The following CNTNAP2 variants were observed in gnomAD, a reference collection of about 807,000 sequenced individuals.
CNTNAP2 encodes the protein contactin-associated protein-like 2.
In CNTNAP2, 98 loss-of-function variants were observed where a neutral mutation model predicts 155.2. The ratio of observed to expected loss-of-function variants is 0.63; its 90% CI spans 0.54 to 0.75. The LOEUF (loss-of-function observed/expected upper bound fraction) is 0.75. Ranked by LOEUF, CNTNAP2 falls within the 30% of genes least tolerant of loss-of-function variation. The pLI is 0.00. For missense variants in CNTNAP2, 1,727 were observed against 1,688.1 expected, an observed-to-expected ratio of 1.02 and a Z score of -0.40; for synonymous variants, 651 against 631.2, an observed-to-expected ratio of 1.03 and a Z score of -0.47.
chr7:147,500,107 A>T (rs1374836364), intron 11 of CNTNAP2, among the ~76,000 whole-genome samples: 1 of 149,016 alleles, frequency 6.7e-6, no homozygotes, highest in Non-Finnish European at 1.5e-5. Flanking sequence ...AAAAACTGGT[A>T]GTAAGCAGAA....
At chr7:146,587,286 A>G (rs529551322) in intron 1 of CNTNAP2, among the ~76,000 whole-genome samples, 2 of 152,242 alleles carry the variant, frequency 1.3e-5, no homozygotes, top group Non-Finnish European at 2.9e-5. Flanking sequence ...CATATTTTCT[A>G]CTAGACTGTC....
At chr7:147,943,615 A>C (rs1026806761) in intron 14 of CNTNAP2, among the ~76,000 whole-genome samples, 5 of 151,816 alleles carry the variant, frequency 3.3e-5, no homozygotes, top group African/African-American at 1.2e-4. Flanking sequence ...CTAAAAATAG[A>C]AACATTATCT....
intron 15 of CNTNAP2, among the ~76,000 whole-genome samples, chr7:148,068,036 T>C (rs1803302224): frequency 6.6e-6 from 1 of 152,026 alleles, no homozygotes; most frequent in Non-Finnish European, 1.5e-5. Flanking sequence ...CAGGTGCCGG[T>C]GAGCAGAGCT....
chr7:146,467,508 A>G (rs1226161203), intron 1 of CNTNAP2, among the ~76,000 whole-genome samples: 1 of 152,154 alleles, frequency 6.6e-6, no homozygotes, highest in Non-Finnish European at 1.5e-5. Context: ...CTGTCCATCC[A>G]TCTCTTGGAA....
intron 8 of CNTNAP2, among the ~76,000 whole-genome samples, chr7:147,181,160 G>A (rs1802448798): frequency 6.6e-6 from 1 of 152,094 alleles, no homozygotes; most frequent in South Asian, 2.1e-4. Context: ...ACTTTAGGAA[G>A]GTTAACCTGG....
At chr7:147,674,879 A>G (rs1795843066) in intron 13 of CNTNAP2, among the ~76,000 whole-genome samples, 1 of 151,046 alleles carries the variant, frequency 6.6e-6, no homozygotes, top group African/African-American at 2.4e-5. Flanking sequence ...TTATTTCAGC[A>G]TATCTTTCTA....
At chr7:147,787,044 A>G (rs2116566311) in intron 13 of CNTNAP2, among the ~76,000 whole-genome samples, 1 of 152,224 alleles carries the variant, frequency 6.6e-6, no homozygotes, top group Non-Finnish European at 1.5e-5. Context: ...ACAAGACAAG[A>G]CAGTAGAAAG....
chr7:147,789,955 C>A (rs1369231460), intron 13 of CNTNAP2, among the ~76,000 whole-genome samples: 2 of 152,196 alleles, frequency 1.3e-5, no homozygotes, highest in South Asian at 4.1e-4. Flanking sequence ...GGCTTCCTTG[C>A]TCCTCAGCTT....
intron 1 of CNTNAP2, among the ~76,000 whole-genome samples, chr7:146,356,853 T>G (rs1381664028): frequency 6.6e-6 from 1 of 152,152 alleles, no homozygotes; most frequent in Non-Finnish European, 1.5e-5. Flanking sequence ...CTTTCCATTT[T>G]CCTTTAAGCT....
At chr7:146,905,439 G>A (rs928966285) in intron 3 of CNTNAP2, among the ~76,000 whole-genome samples, 3 of 152,060 alleles carry the variant, frequency 2.0e-5, no homozygotes, top group Admixed American at 6.6e-5. Context: ...TATTTGGAAG[G>A]ACTTCCCCTT....
At chr7:147,537,447 T>C (rs1185874287) in intron 11 of CNTNAP2, among the ~76,000 whole-genome samples, 4 of 152,180 alleles carry the variant, frequency 2.6e-5, no homozygotes, top group African/African-American at 9.7e-5. Flanking sequence ...TGACATGTAA[T>C]ATTTTGCTAA....
At chr7:146,437,735 T>C (rs1724487) in intron 1 of CNTNAP2, among the ~76,000 whole-genome samples, 5,626 of 151,672 alleles carry the variant, frequency 0.037, 594 homozygotes, top group African/African-American at 0.13. Flanking sequence ...TATTAATGCC[T>C]GCTAAACATT....
chr7:147,053,027 C>G (rs921448284), intron 4 of CNTNAP2, among the ~76,000 whole-genome samples: 5 of 152,028 alleles, frequency 3.3e-5, no homozygotes, highest in African/African-American at 1.2e-4. Flanking sequence ...AATTGGAGTG[C>G]TTTGTAATAG....
chr7:148,075,881 G>A (rs1375641967), intron 15 of CNTNAP2, among the ~76,000 whole-genome samples: 1 of 152,148 alleles, frequency 6.6e-6, no homozygotes, highest in Non-Finnish European at 1.5e-5. Context: ...TATCAAAGTG[G>A]TGCCAAAAAT....
chr7:148,048,070 C>T (rs1253757106), intron 15 of CNTNAP2, among the ~76,000 whole-genome samples: 2 of 151,926 alleles, frequency 1.3e-5, no homozygotes, highest in Non-Finnish European at 2.9e-5. Context: ...ACTACAGGTG[C>T]CTGCCACCAT....
intron 21 of CNTNAP2, among the ~76,000 whole-genome samples, chr7:148,343,271 T>A (rs1798266704): frequency 6.6e-6 from 1 of 152,214 alleles, no homozygotes; most frequent in African/African-American, 2.4e-5. Context: ...CCTCCAATGC[T>A]CAGTGACCTT....
At chr7:147,240,311 G>A (rs1803907633) in intron 8 of CNTNAP2, among the ~76,000 whole-genome samples, 1 of 152,112 alleles carries the variant, frequency 6.6e-6, no homozygotes. Flanking sequence ...GGTGATAGAT[G>A]GAGACCCTGT....
At chr7:147,468,324 T>C (rs552602184) in intron 10 of CNTNAP2, among the ~76,000 whole-genome samples, 2 of 152,288 alleles carry the variant, frequency 1.3e-5, no homozygotes, top group South Asian at 2.1e-4. Flanking sequence ...TTATGGTGTT[T>C]TCATTCTTGT....
intron 14 of CNTNAP2, among the ~76,000 whole-genome samples, chr7:147,938,648 A>T (rs971829220): frequency 7.2e-5 from 11 of 152,202 alleles, no homozygotes; most frequent in African/African-American, 2.7e-4. Context: ...CAAACCACGT[A>T]AATTAAGTAA....
Sources: allele counts gnomAD v4.1 joint callset (sites outside exome capture counted in the v4.1 genomes callset), GRCh38; gene constraint gnomAD v4.1.1; transcripts MANE v1.5; gene names NCBI Gene and HGNC (gene_info 2026-07-23, HGNC 2026-07-21).